Variants in MRAP2 observed in about 807,000 individuals in gnomAD.
The protein encoded by MRAP2 is melanocortin-2 receptor accessory protein 2.
In MRAP2, 20 loss-of-function variants were observed where a neutral mutation model predicts 17.4. The observed-to-expected ratio is 1.15, with a 90% CI of 0.81 to 1.67. The LOEUF (loss-of-function observed/expected upper bound fraction) is 1.67, where lower values mean the gene tolerates loss of function less well. Ranked by LOEUF, MRAP2 falls within the 40% of genes most tolerant of loss-of-function variation. The pLI is 0.00. For synonymous variants in MRAP2, 96 were observed against 88.4 expected (o/e 1.09, Z -0.48); for missense variants, 238 against 240.0 (o/e 0.99, Z 0.05).
At chr6:84,076,217 C>G (rs1050163238) in intron 3 of MRAP2, among the ~76,000 whole-genome samples, 6 of 149,638 alleles carry the variant, frequency 4.0e-5, no homozygotes, top group Non-Finnish European at 8.8e-5. Flanking sequence ...TCCACTACAC[C>G]CAGCTAATTT....
chr6:84,107,940 A>T, the MRAP2 span, among the ~76,000 whole-genome samples: 26 of 152,246 alleles, frequency 1.7e-4, no homozygotes, highest in Non-Finnish European at 1.6e-4. Flanking sequence ...CCAAACCAGG[A>T]TATTAACCAC....
the MRAP2 span, among the ~76,000 whole-genome samples, chr6:84,135,023 A>G: frequency 6.6e-6 from 1 of 152,092 alleles, no homozygotes; most frequent in Admixed American, 6.6e-5. Context: ...ATGAACAAAC[A>G]TGTATTTGCA....
At chr6:84,087,330 C>T (rs1477592127) in intron 3 of MRAP2, among the ~76,000 whole-genome samples, 1 of 152,196 alleles carries the variant, frequency 6.6e-6, no homozygotes, top group Non-Finnish European at 1.5e-5. Flanking sequence ...TTCTGATTGA[C>T]CTCTCCAAAG....
At chr6:84,065,816 A>AG (rs1391815012) in intron 3 of MRAP2, among the ~76,000 whole-genome samples, 1 of 152,188 alleles carries the variant, frequency 6.6e-6, no homozygotes, top group East Asian at 1.9e-4. Flanking sequence ...CCATGCTGTG[A>AG]GTGGGCCTCA....
At chr6:84,110,777 A>T in the MRAP2 span, among the ~76,000 whole-genome samples, 1 of 152,332 alleles carries the variant, frequency 6.6e-6, no homozygotes, top group South Asian at 2.1e-4. Flanking sequence ...TAATTTTTGT[A>T]TAAGGTGTAA....
At chr6:84,057,373 T>C (rs1434913748) in intron 2 of MRAP2, among the ~76,000 whole-genome samples, 2 of 152,208 alleles carry the variant, frequency 1.3e-5, no homozygotes, top group Non-Finnish European at 2.9e-5. Flanking sequence ...ATAACAGTTA[T>C]CTTTATTTGC....
intron 2 of MRAP2, chr6:84,061,875 G>A: frequency 1.0e-6 from 1 of 985,404 alleles, no homozygotes; most frequent in Non-Finnish European, 1.2e-6. Flanking sequence ...CTTTTACTCT[G>A]GAAAAGTGGG....
At chr6:84,053,275 C>T (rs2099490904) in intron 1 of MRAP2, among the ~76,000 whole-genome samples, 1 of 152,128 alleles carries the variant, frequency 6.6e-6, no homozygotes, top group African/African-American at 2.4e-5. Context: ...ATTATAGTAG[C>T]TGTAATGTTG....
At chr6:84,112,869 A>G in the MRAP2 span, among the ~76,000 whole-genome samples, 1 of 152,200 alleles carries the variant, frequency 6.6e-6, no homozygotes, top group South Asian at 2.1e-4. Context: ...CCCAGTAGTC[A>G]TTCAGGAGCA....
At chr6:84,059,222 C>T (rs566227474) in intron 2 of MRAP2, among the ~76,000 whole-genome samples, 148 of 152,260 alleles carry the variant, frequency 9.7e-4, no homozygotes, top group Middle Eastern at 6.8e-3. Flanking sequence ...CATGCTTTTT[C>T]GTGTGCCACC....
At chr6:84,079,393 G>A (rs983974584) in intron 3 of MRAP2, among the ~76,000 whole-genome samples, 5 of 152,126 alleles carry the variant, frequency 3.3e-5, no homozygotes, top group Non-Finnish European at 5.9e-5. Context: ...ACCTAAAGGG[G>A]GTAGAAATTG....
chr6:84,074,925 T>A (rs1229968890), intron 3 of MRAP2, among the ~76,000 whole-genome samples: 1 of 152,204 alleles, frequency 6.6e-6, no homozygotes, highest in African/African-American at 2.4e-5. Flanking sequence ...TGAGAATTTC[T>A]GGAATCACTA....
the MRAP2 span, chr6:84,125,007 A>G: frequency 8.3e-7 from 1 of 1,210,784 alleles, no homozygotes; most frequent in Non-Finnish European, 1.2e-6. Context: ...CTGTCCTGAC[A>G]GTGGCACAAT....
chr6:84,118,929 TA>T, the MRAP2 span, among the ~76,000 whole-genome samples: 1 of 152,274 alleles, frequency 6.6e-6, no homozygotes, highest in South Asian at 2.1e-4. Flanking sequence ...TGATGCCACT[TA>T]TTGAAGAGAT....
rs1286250684 is a variant in MRAP2, at chr6:84,051,895, T to TGTTTGG, written c.-7-3411_-7-3406dup. 2.6e-5 allele frequency among the ~76,000 whole-genome samples: 4 copies of TGTTTGG among 152,150 alleles called. No individual in the cohort carries two copies. In the South Asian group the frequency reaches 6.2e-4, roughly 24 times the overall value. ...CTGGGCCTGCTCACCACGCTTTCTC[T>TGTTTGG]GTTTGGGTTTGTGATCTCCCGTCTT... On this transcript the variant is annotated intron_variant, in intron 1 of 3. Transcript: ENST00000257776.
At chr6:84,123,253 C>CAAA in the MRAP2 span, among the ~76,000 whole-genome samples, 7,491 of 119,284 alleles carry the variant, frequency 0.063, 525 homozygotes, top group African/African-American at 0.17. Flanking sequence ...CGCCCAACTC[C>CAAA]AAAAAAAAAA....
intron 3 of MRAP2, among the ~76,000 whole-genome samples, chr6:84,065,299 T>A (rs989015197): frequency 2.1e-5 from 3 of 140,974 alleles, no homozygotes; most frequent in African/African-American, 5.2e-5. Flanking sequence ...AAAAAAAAAA[T>A]TTAAACACAA....
rs2099485200 is a variant in MRAP2 at position 84,033,839 on chromosome 6, G to A, written c.-52G>A. The A allele has an allele frequency of 1.0e-6, 1 of 975,124 alleles. No individual in the cohort carries two copies. Among genetic ancestry groups the A allele is most frequent in the Non-Finnish European group, 1.2e-6 (1 of 831,140 alleles). 60.4% of individuals were successfully genotyped at this position (975,124 alleles called of 1,614,324 possible). A position where few individuals can be genotyped will look rare whatever the true frequency, so the allele number is the denominator to read the frequency against. The stretch of plus-strand genomic sequence containing the variant: ...CGCTCGCGCACCTCGGAGGAGCCAG[G>A]AGCCGGAACCAGGGCCGAGCCCGCG... On this transcript the variant is annotated 5_prime_UTR_variant, in exon 1 of 4. Transcript: ENST00000257776.
intron 1 of MRAP2, among the ~76,000 whole-genome samples, chr6:84,041,780 C>G (rs1168235422): frequency 6.6e-6 from 1 of 152,248 alleles, no homozygotes; most frequent in Admixed American, 6.5e-5. Context: ...CCTGTACCCC[C>G]ATTGTATCTA....
Sources: allele counts gnomAD v4.1 joint callset (sites outside exome capture counted in the v4.1 genomes callset), GRCh38; gene constraint gnomAD v4.1.1; transcripts MANE v1.5; gene names NCBI Gene and HGNC (gene_info 2026-07-23, HGNC 2026-07-21).